The following PLCB1 variants were observed in gnomAD, a reference collection of about 807,000 sequenced individuals.
The protein encoded by PLCB1 is 1-phosphatidylinositol 4,5-bisphosphate phosphodiesterase beta-1.
In PLCB1, 46 loss-of-function variants were observed where a neutral mutation model predicts 161.8. The ratio of observed to expected loss-of-function variants is 0.28; its 90% CI spans 0.22 to 0.36. The LOEUF (loss-of-function observed/expected upper bound fraction) is 0.36, where lower values mean the gene tolerates loss of function less well. Ranked by LOEUF, PLCB1 falls within the 10% of genes least tolerant of loss-of-function variation. PLCB1 has a pLI of 1.00. For missense variants in PLCB1, 1,016 were observed against 1,472.5 expected (o/e 0.69, Z 5.07); for synonymous variants, 517 against 503.7 (o/e 1.03, Z -0.35).
At chr20:8,817,550 C>A (rs1985138754) in intron 31 of PLCB1, among the ~76,000 whole-genome samples, 1 of 152,160 alleles carries the variant, frequency 6.6e-6, no homozygotes, top group Non-Finnish European at 1.5e-5. Flanking sequence ...TGGAAAATTT[C>A]AGAATACCAA....
intron 3 of PLCB1, among the ~76,000 whole-genome samples, chr20:8,436,537 C>T (rs962095217): frequency 1.3e-4 from 20 of 151,596 alleles, no homozygotes; most frequent in African/African-American, 4.9e-4. Flanking sequence ...ACCAAACTCT[C>T]TTTTTTCTCT....
chr20:8,402,408 C>T (rs552404687), intron 3 of PLCB1, among the ~76,000 whole-genome samples: 11 of 152,100 alleles, frequency 7.2e-5, no homozygotes, highest in Non-Finnish European at 4.4e-5. Flanking sequence ...GTTAAGCTTC[C>T]GCTGAGTGTT....
intron 4 of PLCB1, among the ~76,000 whole-genome samples, chr20:8,639,805 A>C (rs1489552394): frequency 6.6e-6 from 1 of 152,218 alleles, no homozygotes; most frequent in East Asian, 1.9e-4. Flanking sequence ...TAACCATGAT[A>C]AGCTAGAACA....
intron 19 of PLCB1, among the ~76,000 whole-genome samples, chr20:8,734,182 A>T (rs2123504356): frequency 6.7e-6 from 1 of 149,780 alleles, no homozygotes; most frequent in South Asian, 2.1e-4. Context: ...CCACATGAAT[A>T]AGATAAAGCG....
chr20:8,674,399 G>A (rs1990025497), intron 9 of PLCB1, among the ~76,000 whole-genome samples: 1 of 152,164 alleles, frequency 6.6e-6, no homozygotes, highest in African/African-American at 2.4e-5. Context: ...CTAGAGTGGT[G>A]GCTAAGCACT....
At chr20:8,621,475 A>T (rs561169311) in intron 3 of PLCB1, among the ~76,000 whole-genome samples, 1 of 152,316 alleles carries the variant, frequency 6.6e-6, no homozygotes, top group East Asian at 1.9e-4. Context: ...ATGCACTTTT[A>T]TTTTCAGCAA....
chr20:8,805,900 C>T (rs1010725382), intron 31 of PLCB1, among the ~76,000 whole-genome samples: 6 of 152,102 alleles, frequency 3.9e-5, no homozygotes, highest in African/African-American at 7.2e-5. Flanking sequence ...GGAAAGACGA[C>T]GAGCCTCTTT....
At chr20:8,880,743 G>T (rs985980150) in intron 31 of PLCB1, among the ~76,000 whole-genome samples, 1 of 151,142 alleles carries the variant, frequency 6.6e-6, no homozygotes, top group Non-Finnish European at 1.5e-5. Context: ...ACCTTGGAAC[G>T]CTCACCTATC....
At chr20:8,613,613 T>G (rs1243744522) in intron 3 of PLCB1, among the ~76,000 whole-genome samples, 1 of 152,240 alleles carries the variant, frequency 6.6e-6, no homozygotes, top group Non-Finnish European at 1.5e-5. Flanking sequence ...AAAGAAACTA[T>G]CAGCACAAAT....
intron 3 of PLCB1, among the ~76,000 whole-genome samples, chr20:8,602,016 ATTT>A (rs1757025963): frequency 6.6e-6 from 1 of 152,084 alleles, no homozygotes; most frequent in Admixed American, 6.5e-5. Context: ...TGGCTTCCAC[ATTT>A]TAGGATATCT....
chr20:8,717,920 G>A, intron 14 of PLCB1, 72 bp downstream of exon 14: 5 of 1,350,532 alleles, frequency 3.7e-6, no homozygotes, highest in Non-Finnish European at 4.0e-6. Context: ...GCTGTGCGTG[G>A]TGGCTCATGC....
intron 2 of PLCB1, among the ~76,000 whole-genome samples, chr20:8,217,578 C>T (rs892896029): frequency 6.6e-6 from 1 of 152,006 alleles, no homozygotes; most frequent in African/African-American, 2.4e-5. Flanking sequence ...GGACTTCTTA[C>T]CAAAGTATGA....
intron 3 of PLCB1, among the ~76,000 whole-genome samples, chr20:8,405,124 T>A (rs1172973346): frequency 6.6e-6 from 1 of 152,168 alleles, no homozygotes; most frequent in Non-Finnish European, 1.5e-5. Context: ...CATTTGTTAT[T>A]GCTAATGAGT....
intron 3 of PLCB1, among the ~76,000 whole-genome samples, chr20:8,443,149 T>G (rs989197700): frequency 2.6e-5 from 4 of 151,972 alleles, no homozygotes; most frequent in Admixed American, 6.6e-5. Context: ...CCAGCTAATA[T>G]TTTTGTATTT....
At chr20:8,514,938 G>A (rs1984049829) in intron 3 of PLCB1, among the ~76,000 whole-genome samples, 1 of 152,104 alleles carries the variant, frequency 6.6e-6, no homozygotes, top group Non-Finnish European at 1.5e-5. Context: ...AAGATTCTGA[G>A]TTTCCAATAA....
chr20:8,162,296 T>A (rs1255749018), intron 2 of PLCB1, among the ~76,000 whole-genome samples: 1 of 152,192 alleles, frequency 6.6e-6, no homozygotes. Context: ...TTAAATTAGC[T>A]GCACCCTTGA....
intron 2 of PLCB1, among the ~76,000 whole-genome samples, chr20:8,240,626 T>C (rs1056010641): frequency 6.6e-6 from 1 of 151,998 alleles, no homozygotes; most frequent in Non-Finnish European, 1.5e-5. Context: ...GTAAATGCAT[T>C]TTACATTTTA....
intron 3 of PLCB1, among the ~76,000 whole-genome samples, chr20:8,471,741 A>T (rs920916943): frequency 6.6e-6 from 1 of 152,150 alleles, no homozygotes; most frequent in Non-Finnish European, 1.5e-5. Flanking sequence ...AATTTAATAC[A>T]TGCTGCTCCT....
chr20:8,438,660 G>A (rs1048579553), intron 3 of PLCB1, among the ~76,000 whole-genome samples: 2 of 152,188 alleles, frequency 1.3e-5, no homozygotes, highest in African/African-American at 4.8e-5. Context: ...GGATTCAGAC[G>A]ACTGCAGTTC....
Sources: gnomAD v4.1 joint callset for allele counts (sites outside exome capture counted in the v4.1 genomes callset) on GRCh38, gnomAD v4.1.1 for gene constraint, MANE v1.5 for transcripts, NCBI Gene and HGNC (gene_info 2026-07-23, HGNC 2026-07-21) for gene names.